The following NCAPD3 variants were observed in gnomAD, a reference collection of about 807,000 sequenced individuals.
NCAPD3 encodes the protein condensin-2 complex subunit D3.
NCAPD3 carries 105 observed loss-of-function variants against 182.9 expected under a neutral mutation model. The observed-to-expected ratio is 0.57, with a 90% CI of 0.49 to 0.68. The LOEUF is 0.68. Among genes scored for constraint, NCAPD3 ranks in the 30% least tolerant of loss-of-function variants. The pLI is 0.00. For missense variants in NCAPD3, 1,944 were observed against 1,837.0 expected (o/e 1.06, Z -1.07); for synonymous variants, 815 against 679.9 (o/e 1.20, Z -3.09).
chr11:134,210,684 T>C (rs1937801155), intron 3 of NCAPD3, among the ~76,000 whole-genome samples: 1 of 152,154 alleles, frequency 6.6e-6, no homozygotes, highest in Non-Finnish European at 1.5e-5. Context: ...GGAACTGGCT[T>C]TACACTTGTT....
At position 134,186,366 on chromosome 11, in the gene NCAPD3, TTC is replaced by T. The variant is rs374144345; in HGVS notation, c.2046-842_2046-841del. Reference sequence around the variant, plus strand: ...GGCATGGTCACCATACCTGGCTAATTTCTCTCTCTCTCTCTTTGTCTGTCTTT... The same window carrying T: ...GGCATGGTCACCATACCTGGCTAATTTCTCTCTCTCTCTTTGTCTGTCTTT... On this transcript the variant is annotated intron_variant, in intron 16 of 34. Coordinates refer to ENST00000534548, the MANE Select transcript of NCAPD3 (RefSeq NM_015261.3). Among the ~76,000 whole-genome samples, 8 of 151,508 alleles carry T rather than the reference TTC, an allele frequency of 5.3e-5. No individual in the cohort carries two copies. The South Asian group carries it at 6.3e-4, about 12-fold the overall frequency.
chr11:134,199,917 T>G (rs1944715873), intron 13 of NCAPD3, among the ~76,000 whole-genome samples: 2 of 152,166 alleles, frequency 1.3e-5, no homozygotes, highest in Admixed American at 1.3e-4. Flanking sequence ...ATATAGAATA[T>G]AGAGCACACA....
At chr11:134,169,105 A>C in intron 24 of NCAPD3, 51 bp from the exon 25 acceptor site, 2 of 1,576,386 alleles carry the variant, frequency 1.3e-6, no homozygotes, top group Non-Finnish European at 1.7e-6. Flanking sequence ...ATGTACCAAC[A>C]GTCTCTGAAT....
chr11:134,205,104 A>G, intron 8 of NCAPD3, 133 bp from the exon 9 acceptor site: 1 of 606,538 alleles, frequency 1.6e-6, no homozygotes, highest in Non-Finnish European at 2.8e-6. Flanking sequence ...TTTCAGTAGA[A>G]TGAAGAGTGA....
chr11:134,184,551 A>G, intron 19 of NCAPD3, 86 bp downstream of exon 19: 1 of 904,192 alleles, frequency 1.1e-6, no homozygotes, highest in Non-Finnish European at 1.7e-6. Flanking sequence ...TTATTTATAG[A>G]GAATGCTCCT....
rs146266771 is a variant in NCAPD3 at position 134,203,710 on chromosome 11, C to G, written c.1412G>C (p.Cys471Ser). The G allele has an allele frequency of 4.9e-3, 7,961 of 1,614,128 alleles. 47 individuals carry two copies. Among genetic ancestry groups the G allele is most frequent in the Admixed American group, 0.025 (1,474 of 60,026 alleles). ...CGCACTGGTAACAGTCAACTCCAGA[C>G]AGTGTGCAAAGCTGGACAGTGCCTT... is the stretch of plus-strand genomic sequence containing the variant. ...RSKALSSFAHCLELTVTSASE... is the reference protein window; with the variant it reads ...RSKALSSFAHSLELTVTSASE... Residue 471 changes from cysteine to serine, a missense_variant, in exon 11 of 35, where the codon TGT becomes TCT. Coordinates refer to ENST00000534548, the MANE Select transcript of NCAPD3 (RefSeq NM_015261.3).
At chr11:134,157,850 A>T in intron 31 of NCAPD3, 78 bp downstream of exon 31, 2 of 1,428,068 alleles carry the variant, frequency 1.4e-6, no homozygotes, top group Non-Finnish European at 1.9e-6. Flanking sequence ...CACCGCTTTG[A>T]AAGGAATAAG....
At chr11:134,167,538 GTGAGA>G (rs1187298795) in intron 27 of NCAPD3, among the ~76,000 whole-genome samples, 1 of 139,618 alleles carries the variant, frequency 7.2e-6, no homozygotes, top group Non-Finnish European at 1.5e-5. Context: ...ACACTCACTA[GTGAGA>G]TGAGCTCGGG....
Position 134,168,605 on chromosome 11 carries a change from G to A in NCAPD3, c.3240-3C>T. On this transcript the variant is annotated splice_region_variant and splice_polypyrimidine_tract_variant and intron_variant, in intron 25 of 34. Coordinates refer to ENST00000534548, the MANE Select transcript of NCAPD3 (RefSeq NM_015261.3). ...TCAATGAAAACAGCCGCTTCTCTCT[G>A]TGGCAGAACGGGACAAGTTCACTGC... is the stretch of plus-strand genomic sequence containing the variant. 1 of 1,614,018 alleles carries A rather than the reference G, an allele frequency of 6.2e-7. No individual in the cohort carries two copies. Among genetic ancestry groups the A allele is most frequent in the Non-Finnish European group, 8.5e-7 (1 of 1,180,026 alleles).
intron 24 of NCAPD3, among the ~76,000 whole-genome samples, chr11:134,174,536 G>GT (rs1944112005): frequency 6.6e-6 from 1 of 151,834 alleles, no homozygotes; most frequent in South Asian, 2.1e-4. Flanking sequence ...TCACTCATAT[G>GT]TAAGAGTTAA....
At chr11:134,180,937 C>G in intron 20 of NCAPD3, 140 bp downstream of exon 20, 1 of 608,052 alleles carries the variant, frequency 1.6e-6, no homozygotes, top group Non-Finnish European at 2.9e-6. Context: ...AAAATATCTT[C>G]TAAAAAGAGA....
intron 15 of NCAPD3, 33 bp from the exon 16 acceptor site, chr11:134,192,942 C>G (rs371210623): frequency 8.0e-7 from 1 of 1,256,952 alleles, no homozygotes; most frequent in African/African-American, 1.5e-5. Context: ...ATGAGAAGGT[C>G]TAAATACAAG....
chr11:134,223,816 T>G lies in NCAPD3; in HGVS notation c.64+47A>C, dbSNP rs370240668. The G allele has an allele frequency of 3.3e-6, 5 of 1,497,682 alleles. No homozygotes were observed. The Admixed American group carries it at 9.1e-5, about 27-fold the overall frequency. The allele number at this position is 1,497,682 out of a possible 1,614,324, so 92.8% of individuals were successfully genotyped here. On this transcript the variant is annotated intron_variant, in intron 1 of 34. Coordinates refer to ENST00000534548, the MANE Select transcript of NCAPD3 (RefSeq NM_015261.3). The stretch of plus-strand genomic sequence containing the variant: ...GGGCTTAGGCATCGTCGGGGACGCA[T>G]AGGACCCTCGCCCTGGCCCCCGGGC...
chr11:134,189,371 T>TA (rs1944477916), intron 16 of NCAPD3, among the ~76,000 whole-genome samples: 1 of 152,196 alleles, frequency 6.6e-6, no homozygotes, highest in Non-Finnish European at 1.5e-5. Context: ...AATTGAACCT[T>TA]TAGCTCATCA....
intron 32 of NCAPD3, among the ~76,000 whole-genome samples, chr11:134,155,118 G>A (rs1943384055): frequency 6.6e-6 from 1 of 152,170 alleles, no homozygotes; most frequent in Middle Eastern, 3.2e-3. Context: ...CACCCGAATG[G>A]TAACAGTAAC....
At chr11:134,203,318 G>C in intron 11 of NCAPD3, 120 bp from the exon 12 acceptor site, 1 of 781,254 alleles carries the variant, frequency 1.3e-6, no homozygotes, top group Non-Finnish European at 2.1e-6. Flanking sequence ...ATTCTAAATT[G>C]CTGACAACTG....
At chr11:134,212,999 A>G (rs1006419558) in intron 3 of NCAPD3, among the ~76,000 whole-genome samples, 1 of 152,168 alleles carries the variant, frequency 6.6e-6, no homozygotes, top group Admixed American at 6.5e-5. Context: ...CAATTTAAAC[A>G]TTCTGATACA....
At chr11:134,186,160 A>G (rs1208083510) in intron 16 of NCAPD3, 1 of 152,216 alleles carries the variant, frequency 6.6e-6, no homozygotes, top group Non-Finnish European at 1.5e-5. Flanking sequence ...CCTTTTCAAA[A>G]TAAAAAACAA....
chr11:134,185,644 G>A, intron 16 of NCAPD3, 118 bp from the exon 17 acceptor site: 1 of 750,396 alleles, frequency 1.3e-6, no homozygotes, highest in Non-Finnish European at 2.0e-6. Flanking sequence ...AGTGGCACAT[G>A]AAACTTATAT....
Sources: gnomAD v4.1 joint callset for allele counts (sites outside exome capture counted in the v4.1 genomes callset) on GRCh38, gnomAD v4.1.1 for gene constraint, MANE v1.5 for transcripts, NCBI Gene and HGNC (gene_info 2026-07-23, HGNC 2026-07-21) for gene names.